ZNF385B: variants seen among roughly 807,000 people sequenced by gnomAD.
ZNF385B encodes the protein zinc finger protein 533.
A neutral mutation model predicts 39.2 loss-of-function variants in ZNF385B; 23 were observed. That is an observed-to-expected ratio of 0.59 (90% confidence interval 0.42 to 0.83). ZNF385B has a LOEUF of 0.83. ZNF385B is among the 40% of genes least tolerant of loss of function. ZNF385B has a pLI of 0.00. For missense variants in ZNF385B, 552 were observed against 598.9 expected (o/e 0.92, Z 0.82); for synonymous variants, 205 against 222.6 (o/e 0.92, Z 0.70).
chr2:179,629,739 G>A (rs112883661), intron 3 of ZNF385B, among the ~76,000 whole-genome samples: 9 of 152,284 alleles, frequency 5.9e-5, no homozygotes, highest in African/African-American at 2.2e-4. Context: ...AAGCACAAGG[G>A]GCTGGGGGAT....
chr2:179,627,032 G>A (rs551434850), intron 3 of ZNF385B, among the ~76,000 whole-genome samples: 1 of 152,240 alleles, frequency 6.6e-6, no homozygotes, highest in African/African-American at 2.4e-5. Flanking sequence ...CTGTGTACTT[G>A]CAATTCCAGA....
In ZNF385B at chr2:179,661,848, T is replaced by A. The variant is rs551862639; in HGVS notation, c.298+107655A>T. 5.3e-5 allele frequency among the ~76,000 whole-genome samples: 8 copies of A among 152,336 alleles called. No individual in the cohort carries two copies. The East Asian group carries it at 1.4e-3, about 26-fold the overall frequency. On this transcript the variant is annotated intron_variant, in intron 3 of 9. Transcript: ENST00000410066. ...ATAGCTGTTCATATTGTTCCCTCAG[T>A]TGAGTGATATCATTTTTGAATCACA...
At chr2:179,658,787 A>AT (rs776438873) in intron 3 of ZNF385B, among the ~76,000 whole-genome samples, 13 of 151,254 alleles carry the variant, frequency 8.6e-5, no homozygotes, top group South Asian at 2.1e-4. Context: ...TTACATTCTT[A>AT]TTTTTTTTTG....
chr2:179,493,942 A>G (rs2055867945), intron 5 of ZNF385B, among the ~76,000 whole-genome samples: 1 of 151,020 alleles, frequency 6.6e-6, no homozygotes, highest in Non-Finnish European at 1.5e-5. Flanking sequence ...AGTGCTGTGG[A>G]ATACAGGTCT....
chr2:179,743,431 A>G (rs966108896), intron 3 of ZNF385B, among the ~76,000 whole-genome samples: 2 of 152,094 alleles, frequency 1.3e-5, no homozygotes, highest in Non-Finnish European at 2.9e-5. Flanking sequence ...TTACATGTGT[A>G]ATCACTTAAC....
At chr2:179,619,001 A>C (rs910517547) in intron 3 of ZNF385B, among the ~76,000 whole-genome samples, 4 of 152,186 alleles carry the variant, frequency 2.6e-5, no homozygotes, top group Non-Finnish European at 5.9e-5. Context: ...ATGAAACAAC[A>C]CCTGGTCTGT....
chr2:179,823,958 G>A (rs549641644), intron 1 of ZNF385B, among the ~76,000 whole-genome samples: 36 of 152,244 alleles, frequency 2.4e-4, no homozygotes, highest in African/African-American at 7.9e-4. Context: ...ACTAGTTGGT[G>A]TAATGGAAAA....
intron 6 of ZNF385B, among the ~76,000 whole-genome samples, chr2:179,475,688 CAT>C (rs1491419263): frequency 1.2e-3 from 4 of 3,204 alleles, no homozygotes; most frequent in South Asian, 9.4e-3. Flanking sequence ...AGACTTTACA[CAT>C]GTTTCATTGA....
At chr2:179,707,627 T>C (rs760720881) in intron 3 of ZNF385B, among the ~76,000 whole-genome samples, 7 of 152,194 alleles carry the variant, frequency 4.6e-5, no homozygotes, top group Non-Finnish European at 1.0e-4. Context: ...GTGTCTATCC[T>C]AAGTGCCCTG....
At chr2:179,729,850 C>T (rs1701273420) in intron 3 of ZNF385B, among the ~76,000 whole-genome samples, 1 of 152,136 alleles carries the variant, frequency 6.6e-6, no homozygotes, top group Non-Finnish European at 1.5e-5. Flanking sequence ...TTGACAGTTC[C>T]TTCTTCACAC....
At chr2:179,612,842 TG>T (rs558296543) in intron 3 of ZNF385B, among the ~76,000 whole-genome samples, 198 of 152,318 alleles carry the variant, frequency 1.3e-3, no homozygotes, top group African/African-American at 4.6e-3. Flanking sequence ...TCTGCAGCCC[TG>T]GGAACGTCTA....
intron 3 of ZNF385B, among the ~76,000 whole-genome samples, chr2:179,567,748 T>C (rs778556196): frequency 2.4e-4 from 36 of 152,306 alleles, no homozygotes; most frequent in African/African-American, 3.4e-4. Flanking sequence ...ATTCTTTGAT[T>C]CCTCCTTAGC....
chr2:179,625,975 T>TA (rs1449108903), intron 3 of ZNF385B, among the ~76,000 whole-genome samples: 1 of 152,040 alleles, frequency 6.6e-6, no homozygotes, highest in African/African-American at 2.4e-5. Flanking sequence ...GACTTTATTT[T>TA]AAAAATTTCA....
At chr2:179,562,429 C>T (rs988557737) in intron 3 of ZNF385B, 5 of 985,400 alleles carry the variant, frequency 5.1e-6, no homozygotes, top group African/African-American at 1.7e-5. Flanking sequence ...TCCACGTTCA[C>T]GTCTGCATTT....
At chr2:179,827,603 A>G (rs1443690392) in intron 1 of ZNF385B, among the ~76,000 whole-genome samples, 1 of 152,168 alleles carries the variant, frequency 6.6e-6, no homozygotes, top group African/African-American at 2.4e-5. Context: ...TAAAAAATAA[A>G]CCTCACATAT....
At chr2:179,603,091 C>T (rs1328329150) in intron 3 of ZNF385B, among the ~76,000 whole-genome samples, 1 of 152,028 alleles carries the variant, frequency 6.6e-6, no homozygotes, top group African/African-American at 2.4e-5. Context: ...TTGACTGGGC[C>T]TTAGGTAACA....
intron 3 of ZNF385B, among the ~76,000 whole-genome samples, chr2:179,724,566 T>C (rs561727763): frequency 1.0e-3 from 155 of 152,300 alleles, no homozygotes; most frequent in Non-Finnish European, 1.6e-3. Context: ...AAATACTTTG[T>C]AAGAGTTTAT....
intron 3 of ZNF385B, among the ~76,000 whole-genome samples, chr2:179,622,623 C>T (rs575487924): frequency 3.3e-5 from 5 of 152,266 alleles, no homozygotes; most frequent in African/African-American, 9.6e-5. Flanking sequence ...TCTGCATTTC[C>T]AGAACCTTGT....
chr2:179,847,443 T>C (rs1358049302), intron 1 of ZNF385B, among the ~76,000 whole-genome samples: 1 of 152,194 alleles, frequency 6.6e-6, no homozygotes, highest in African/African-American at 2.4e-5. Flanking sequence ...GTTTCACACA[T>C]GTCAAAAGTG....
Sources: gnomAD v4.1 joint callset for allele counts (sites outside exome capture counted in the v4.1 genomes callset) on GRCh38, gnomAD v4.1.1 for gene constraint, MANE v1.5 for transcripts, NCBI Gene and HGNC (gene_info 2026-07-23, HGNC 2026-07-21) for gene names.